ANK1: variants seen among roughly 807,000 people sequenced by gnomAD.
The protein encoded by ANK1 is ankyrin 1.
Under a neutral mutation model 210.4 loss-of-function variants are expected in ANK1, and 51 were observed. That is an observed-to-expected ratio of 0.24 (90% CI 0.19 to 0.31). The LOEUF (loss-of-function observed/expected upper bound fraction) is 0.31, where lower values mean the gene tolerates loss of function less well. ANK1 is among the 10% of genes least tolerant of loss of function. The pLI, the probability that ANK1 is intolerant of heterozygous loss-of-function variation, is 1.00. For synonymous variants in ANK1, 967 were observed against 1,025.9 expected, an observed-to-expected ratio of 0.94 and a Z score of 1.10; for missense variants, 2,051 against 2,504.4, an observed-to-expected ratio of 0.82 and a Z score of 3.86.
chr8:41,728,099 C>T (rs1831189694), intron 3 of ANK1, 93 bp from the exon 4 acceptor site: 2 of 1,285,614 alleles, frequency 1.6e-6, no homozygotes, highest in Non-Finnish European at 2.2e-6. Flanking sequence ...GCTTGAGGGA[C>T]CCGGGGGCTT....
chr8:41,728,769 G>A (rs1338777932), intron 3 of ANK1, among the ~76,000 whole-genome samples: 1 of 151,974 alleles, frequency 6.6e-6, no homozygotes, highest in African/African-American at 2.4e-5. Context: ...AACACCCCCC[G>A]CCAACACACA....
chr8:41,830,928 T>C (rs1563864445), intron 1 of ANK1, among the ~76,000 whole-genome samples: 1 of 152,240 alleles, frequency 6.6e-6, no homozygotes, highest in Non-Finnish European at 1.5e-5. Context: ...ACATAATCAC[T>C]TGGTCACCTC....
In ANK1 at chr8:41,661,817, A is replaced by T. The variant is rs770509350; in HGVS notation, c.5544+59T>A. The T allele has an allele frequency of 5.0e-6, 8 of 1,614,004 alleles. No homozygotes were observed. In the East Asian group the frequency reaches 1.6e-4, roughly 31 times the overall value. On this transcript the variant is annotated intron_variant, in intron 41 of 42. Transcript: ENST00000289734. Reference sequence around the variant, plus strand: ...CCTCAGTACCTTGGAGTGTTTCATAAAGTAATCAATATCGACCTCCAGCTC... The same window carrying T: ...CCTCAGTACCTTGGAGTGTTTCATATAGTAATCAATATCGACCTCCAGCTC...
chr8:41,728,016 A>G lies in ANK1; in HGVS notation c.229-10T>C, dbSNP rs1831161699. On this transcript the variant is annotated splice_polypyrimidine_tract_variant and intron_variant, in intron 3 of 42. Transcript: ENST00000289734. Reference sequence around the variant, plus strand: ...GGGCCGTGTTCCCCTTCTGAAACACATGGGGGAAGGGAACAGAGGCGGTTT... The same window carrying G: ...GGGCCGTGTTCCCCTTCTGAAACACGTGGGGGAAGGGAACAGAGGCGGTTT... The G allele has an allele frequency of 1.2e-6, 2 of 1,613,196 alleles. No homozygotes were observed. The highest frequency in any genetic ancestry group is 8.5e-7 in the Non-Finnish European group (1 of 1,179,620).
At chr8:41,778,014 T>A (rs1844468694) in intron 1 of ANK1, among the ~76,000 whole-genome samples, 3 of 152,172 alleles carry the variant, frequency 2.0e-5, no homozygotes, top group Admixed American at 2.0e-4. Flanking sequence ...CTCAAGTGCT[T>A]TTCGGGTGAG....
chr8:41,896,688 G>T, exon 1 of ANK1: 2 of 457,870 alleles, frequency 4.4e-6, no homozygotes, highest in Non-Finnish European at 6.3e-6. Flanking sequence ...CGCGGCCCGG[G>T]ATGGCGCTGC....
rs75449857 is a variant in ANK1, at chr8:41,882,821, C to T, written c.126+13534G>A. 6.2e-3 allele frequency among the ~76,000 whole-genome samples: 950 copies of T among 152,344 alleles called. 3 individuals are homozygous for T. The highest frequency in any genetic ancestry group is 7.4e-3 in the Non-Finnish European group (501 of 68,024). ...TCTCCCTCTGGAGTCAGGGCCTCCA[C>T]GCTCCTACAAGCTCCACAGAGGAAG... On this transcript the variant is annotated intron_variant, in intron 1 of 42. Coordinates refer to the ANK1 transcript ENST00000265709.
chr8:41,714,140 G>C lies in ANK1; in HGVS notation c.1800+16C>G. 7.5e-7 allele frequency: 1 copy of C among 1,330,016 alleles called. No individual in the cohort carries two copies. The highest frequency in any genetic ancestry group is 9.7e-7 in the Non-Finnish European group (1 of 1,028,970). 82.4% of individuals were successfully genotyped at this position (1,330,016 alleles called of 1,614,324 possible). ...CCTGCTCTCCAGGGGCAGCTGGGGA[G>C]AGGGGCGGGCCTTACCCAGGCAGGG... On this transcript the variant is annotated intron_variant, in intron 16 of 42. Coordinates refer to ENST00000289734, the MANE Select transcript of ANK1 (RefSeq NM_000037.4).
chr8:41,870,274 T>TA (rs921652174), intron 1 of ANK1, among the ~76,000 whole-genome samples: 31 of 145,828 alleles, frequency 2.1e-4, no homozygotes, highest in East Asian at 6.0e-4. Context: ...AGTTTTTGCT[T>TA]AAAAAAAAAA....
chr8:41,743,124 T>G (rs1835206674), intron 2 of ANK1, among the ~76,000 whole-genome samples: 1 of 152,156 alleles, frequency 6.6e-6, no homozygotes, highest in African/African-American at 2.4e-5. Context: ...CAACAGAATA[T>G]ATTACGTTTG....
At chr8:41,741,225 G>A (rs573880894) in intron 2 of ANK1, among the ~76,000 whole-genome samples, 1 of 152,288 alleles carries the variant, frequency 6.6e-6, no homozygotes, top group East Asian at 1.9e-4. Flanking sequence ...TCACATGAGG[G>A]AAAGATCTGG....
intron 2 of ANK1, among the ~76,000 whole-genome samples, chr8:41,755,317 T>C (rs1838854756): frequency 6.6e-6 from 1 of 152,248 alleles, no homozygotes. Context: ...AGCTATTCCC[T>C]GGTGGCATCA....
At chr8:41,687,504 C>CT (rs1778486429) in intron 35 of ANK1, among the ~76,000 whole-genome samples, 1 of 152,248 alleles carries the variant, frequency 6.6e-6, no homozygotes, top group Admixed American at 6.5e-5. Flanking sequence ...ACCCTGCACT[C>CT]TCCAACCAAT....
chr8:41,832,241 C>T (rs1806807242), intron 1 of ANK1, among the ~76,000 whole-genome samples: 1 of 152,126 alleles, frequency 6.6e-6, no homozygotes, highest in African/African-American at 2.4e-5. Context: ...GGCTCCCCAC[C>T]AGAAGGGGAG....
chr8:41,664,710 A>G, intron 39 of ANK1: 1 of 1,291,960 alleles, frequency 7.7e-7, no homozygotes, highest in South Asian at 1.3e-5. Context: ...GCGTCTCCCA[A>G]CTCTGGGTCC....
chr8:41,848,531 T>C (rs1267688820), intron 1 of ANK1, among the ~76,000 whole-genome samples: 1 of 152,216 alleles, frequency 6.6e-6, no homozygotes, highest in Admixed American at 6.5e-5. Flanking sequence ...TGGCCAGCCC[T>C]GGGCCCCTGG....
intron 1 of ANK1, among the ~76,000 whole-genome samples, chr8:41,814,162 C>G (rs1802928246): frequency 6.6e-6 from 1 of 152,234 alleles, no homozygotes; most frequent in Admixed American, 6.5e-5. Flanking sequence ...GAGTTCAAGA[C>G]CAGCCTGGCC....
At chr8:41,814,394 T>C (rs1461062700) in intron 1 of ANK1, among the ~76,000 whole-genome samples, 1 of 152,010 alleles carries the variant, frequency 6.6e-6, no homozygotes, top group Admixed American at 6.5e-5. Flanking sequence ...CCTGGGCTCA[T>C]TCATTTGCAT....
intron 1 of ANK1, among the ~76,000 whole-genome samples, chr8:41,795,312 A>C (rs1563790826): frequency 2.0e-5 from 3 of 152,068 alleles, no homozygotes; most frequent in Non-Finnish European, 2.9e-5. Flanking sequence ...CAGGAGTTCG[A>C]GACCAGCCTG....
Sources: allele counts gnomAD v4.1 joint callset (sites outside exome capture counted in the v4.1 genomes callset), GRCh38; gene constraint gnomAD v4.1.1; transcripts MANE v1.5; gene names NCBI Gene and HGNC (gene_info 2026-07-23, HGNC 2026-07-21).